The following RBM17 variants were observed in gnomAD, a reference collection of about 807,000 sequenced individuals.
RBM17 encodes the protein RNA binding motif protein 17, also known as splicing factor 45.
Under a neutral mutation model 53.2 loss-of-function variants are expected in RBM17, and 7 were observed. That is an observed-to-expected ratio of 0.13 (90% CI 0.07 to 0.25). The LOEUF is 0.25. RBM17 is among the 10% of genes least tolerant of loss of function. RBM17 has a pLI of 1.00. For synonymous variants in RBM17, 167 were observed against 178.1 expected (o/e 0.94, Z 0.50); for missense variants, 257 against 496.7 (o/e 0.52, Z 4.59).
At position 6,101,839 on chromosome 10, in the gene RBM17, T is replaced by A. The variant is rs372989916; in HGVS notation, c.240+452T>A. ...ATGCTGGATATATGGGTTGTTTCTA[T>A]TTTTTGCTATCATAAACAGTGTTAG... On this transcript the variant is annotated intron_variant, in intron 3 of 11. Transcript: ENST00000379888. 2.0e-5 allele frequency among the ~76,000 whole-genome samples: 3 copies of A among 152,330 alleles called. 1 individual carries two copies. The highest frequency in any genetic ancestry group is 7.2e-5 in the African/African-American group (3 of 41,578).
chr10:6,099,955 G>A (rs41295141), intron 2 of RBM17, among the ~76,000 whole-genome samples: 7,614 of 152,136 alleles, frequency 0.05, 306 homozygotes, highest in South Asian at 0.13. Flanking sequence ...CTACTCTGGA[G>A]GCTGAGACAG....
rs1355145477 is a variant in RBM17, at chr10:6,105,165, C to T, written c.407+68C>T. 11 of 1,436,706 alleles carry T rather than the reference C, an allele frequency of 7.7e-6. No individual in the cohort carries two copies. The African/African-American group carries it at 8.5e-5, about 11-fold the overall frequency. 89.0% of individuals were successfully genotyped at this position (1,436,706 alleles called of 1,614,324 possible). On this transcript the variant is annotated intron_variant, in intron 4 of 11. Transcript: ENST00000379888. ...GTTCATTAAAATGTTAACGAATGAG[C>T]GTCGCTGCTGTCTGTAAGGCTGAAG...
chr10:6,091,454 C>T (rs936037094), intron 1 of RBM17, among the ~76,000 whole-genome samples: 13 of 152,174 alleles, frequency 8.5e-5, no homozygotes, highest in African/African-American at 3.1e-4. Flanking sequence ...ACAAGCCTGC[C>T]TCTTTAGGTG....
intron 2 of RBM17, among the ~76,000 whole-genome samples, chr10:6,100,295 CACCATACCCATATGATCA>C (rs1283739600): frequency 3.9e-5 from 6 of 152,100 alleles, no homozygotes; most frequent in Non-Finnish European, 7.4e-5. Context: ...TAATGGTTAC[CACCATACCCATATGATCA>C]ACCTTAGCAT....
At chr10:6,107,556 A>G (rs1564568512) in intron 5 of RBM17, among the ~76,000 whole-genome samples, 1 of 121,024 alleles carries the variant, frequency 8.3e-6, no homozygotes, top group Non-Finnish European at 1.6e-5. Flanking sequence ...ATCTCGGCTC[A>G]CTGCAACCTC....
At chr10:6,101,410 G>A (rs550679599) in intron 3 of RBM17, 23 bp downstream of exon 3, 2 of 1,453,142 alleles carry the variant, frequency 1.4e-6, no homozygotes, top group East Asian at 2.3e-5. Flanking sequence ...CTGCCTGTGA[G>A]CTTGATACGT....
chr10:6,094,498 A>C (rs945359023), intron 1 of RBM17, among the ~76,000 whole-genome samples: 6 of 152,226 alleles, frequency 3.9e-5, no homozygotes, highest in African/African-American at 1.4e-4. Context: ...CATTTTAAGA[A>C]TAAAGAAAGA....
intron 10 of RBM17, 181 bp downstream of exon 10, chr10:6,114,328 T>C (rs1840883188): frequency 6.4e-6 from 3 of 466,066 alleles, no homozygotes; most frequent in Non-Finnish European, 7.8e-6. Context: ...GACAATGATT[T>C]CAAGTTTTAT....
At chr10:6,098,556 G>GGTTTTTTTTTTTTTTT (rs1840613398) in intron 2 of RBM17, among the ~76,000 whole-genome samples, 2 of 87,976 alleles carry the variant, frequency 2.3e-5, no homozygotes, top group African/African-American at 4.0e-5. Flanking sequence ...TAATACACAG[G>GGTTTTTTTTTTTTTTT]TTTTTTGTTT....
chr10:6,094,580 C>G (rs1840543795), intron 1 of RBM17, among the ~76,000 whole-genome samples: 1 of 152,044 alleles, frequency 6.6e-6, no homozygotes, highest in Admixed American at 6.6e-5. Context: ...AAAGATTAAA[C>G]TAAGTTAGAT....
rs1840433444 is a variant in RBM17 at position 6,089,060 on chromosome 10, C to G, written c.-152C>G. On this transcript the variant is annotated 5_prime_UTR_variant, in exon 1 of 12. Transcript: ENST00000379888. The surrounding 1 kb of genome is among the most constrained non-coding windows in gnomAD (Gnocchi z 5.6). ...GCCCGCGCTCCCTGACCCCGCGCCG[C>G]CGAGCGCCCTGAGGACTCAGCGAAG... 6.6e-6 allele frequency: 1 copy of G among 150,690 alleles called. No homozygotes were observed. The highest frequency in any genetic ancestry group is 2.4e-5 in the African/African-American group (1 of 41,264). 9.3% of individuals were successfully genotyped at this position (150,690 alleles called of 1,614,324 possible). A position where few individuals can be genotyped will look rare whatever the true frequency, so the allele number is the denominator to read the frequency against.
At chr10:6,093,302 C>T (rs1840517034) in intron 1 of RBM17, among the ~76,000 whole-genome samples, 1 of 152,294 alleles carries the variant, frequency 6.6e-6, no homozygotes, top group South Asian at 2.1e-4. Context: ...CGACCTCCGC[C>T]TCCCGGGTTC....
intron 5 of RBM17, among the ~76,000 whole-genome samples, chr10:6,106,589 G>A (rs569840486): frequency 6.6e-6 from 1 of 152,280 alleles, no homozygotes; most frequent in East Asian, 1.9e-4. Flanking sequence ...AACATTGAGT[G>A]TGTCTGTTTT....
At chr10:6,094,499 TAAAG>T (rs1588342657) in intron 1 of RBM17, among the ~76,000 whole-genome samples, 2 of 152,294 alleles carry the variant, frequency 1.3e-5, no homozygotes, top group East Asian at 3.9e-4. Context: ...ATTTTAAGAA[TAAAG>T]AAAGAACAGA....
At chr10:6,108,575 C>T (rs888172438) in intron 5 of RBM17, 111 bp from the exon 6 acceptor site, 5 of 733,810 alleles carry the variant, frequency 6.8e-6, no homozygotes, top group Non-Finnish European at 1.1e-5. Context: ...GCAGGTCCTC[C>T]TTTTTTAGTT....
At chr10:6,106,494 T>C (rs543463424) in intron 5 of RBM17, 9 of 374,576 alleles carry the variant, frequency 2.4e-5, no homozygotes, top group Non-Finnish European at 4.1e-5. Flanking sequence ...TAAAATCTAT[T>C]CCTGCACTGT....
At position 6,112,760 on chromosome 10, in the gene RBM17, A is replaced by G. The variant is rs1261818382; in HGVS notation, c.856+399A>G. The G allele has an allele frequency of 7.7e-6, 2 of 259,836 alleles. No homozygotes were observed. The highest frequency in any genetic ancestry group is 1.5e-5 in the Non-Finnish European group (2 of 132,096). 16.1% of individuals were successfully genotyped at this position (259,836 alleles called of 1,614,324 possible). The stretch of plus-strand genomic sequence containing the variant: ...TATCTCCATCTCAGAGGTCGTCTCT[A>G]CTTTTCCCTTTTGCCCTTTCAGTAT... On this transcript the variant is annotated intron_variant, in intron 8 of 11. Transcript: ENST00000379888. The surrounding 1 kb of genome is among the most constrained non-coding windows in gnomAD (Gnocchi z 4.4).
intron 2 of RBM17, among the ~76,000 whole-genome samples, chr10:6,097,532 G>A (rs958927095): frequency 9.2e-5 from 14 of 152,200 alleles, no homozygotes; most frequent in African/African-American, 3.1e-4. Flanking sequence ...CACCGCGGGC[G>A]CAGTGGTGGG....
rs550927997 is a variant in RBM17 at position 6,091,511 on chromosome 10, GT to G, written c.-19+2325del. 3.1e-3 allele frequency among the ~76,000 whole-genome samples: 469 copies of G among 152,232 alleles called. 1 individual carries two copies. Among genetic ancestry groups the G allele is most frequent in the African/African-American group, 0.011 (441 of 41,530 alleles). On this transcript the variant is annotated intron_variant, in intron 1 of 11. Transcript: ENST00000379888. ...CGTTATTGGTTGTGTGGTGGTGGTA[GT>G]TTTTTTCTCCTTAATTATGGTTTGC...
Sources: allele counts gnomAD v4.1 joint callset (sites outside exome capture counted in the v4.1 genomes callset), GRCh38; gene constraint gnomAD v4.1.1; non-coding constraint Gnocchi (gnomAD v3.1); transcripts MANE v1.5; gene names NCBI Gene and HGNC (gene_info 2026-07-23, HGNC 2026-07-21).